KCNJ6: variants seen among roughly 807,000 people sequenced by gnomAD.
The protein encoded by KCNJ6 is potassium inwardly rectifying channel subfamily J member 6, also known as G protein-activated inward rectifier potassium channel 2.
A neutral mutation model predicts 34.2 loss-of-function variants in KCNJ6; 9 were observed. The ratio of observed to expected loss-of-function variants is 0.26; its 90% confidence interval spans 0.16 to 0.46. The LOEUF (loss-of-function observed/expected upper bound fraction) is 0.46, where lower values mean the gene tolerates loss of function less well. Among genes scored for constraint, KCNJ6 ranks in the 20% least tolerant of loss-of-function variants. The probability of loss-of-function intolerance (pLI) is 1.00; values close to 1 mark genes in which losing one functional copy is unlikely to be tolerated. For missense variants in KCNJ6, 236 were observed against 531.3 expected (o/e 0.44, Z 5.46); for synonymous variants, 196 against 207.1 (o/e 0.95, Z 0.46).
chr21:37,858,392 C>CA lies in KCNJ6; in HGVS notation c.-27-17684dup, dbSNP rs60814205. Among the ~76,000 whole-genome samples, 477 of 54,484 alleles carry CA rather than the reference C, an allele frequency of 8.8e-3. 36 individuals are homozygous for CA. The highest frequency in any genetic ancestry group is 0.017 in the African/African-American group (224 of 13,366). The allele number at this position is 54,484 out of a possible 152,430, so 35.7% of individuals were successfully genotyped here. On this transcript the variant is annotated intron_variant, in intron 1 of 3. Coordinates refer to ENST00000609713, the MANE Select transcript of KCNJ6 (RefSeq NM_002240.5). ...TGGGCGACAGAGCAAGACTCCGTCT[C>CA]AAAAAAAAAAAAAAAAAAAAAAAAA...
At chr21:37,759,862 A>T (rs1304285097) in intron 2 of KCNJ6, among the ~76,000 whole-genome samples, 1 of 152,178 alleles carries the variant, frequency 6.6e-6, no homozygotes, top group Admixed American at 6.5e-5. Flanking sequence ...ATGGCAGAAG[A>T]GGTGCTGTTA....
intron 2 of KCNJ6, among the ~76,000 whole-genome samples, chr21:37,765,093 C>A (rs1008151686): frequency 6.6e-5 from 10 of 152,224 alleles, no homozygotes; most frequent in African/African-American, 2.2e-4. Context: ...ATATTAAAAG[C>A]AAAGGAAATT....
intron 3 of KCNJ6, among the ~76,000 whole-genome samples, chr21:37,693,005 T>C (rs1328315905): frequency 1.3e-5 from 2 of 152,212 alleles, no homozygotes; most frequent in Non-Finnish European, 2.9e-5. Context: ...CTACAAAGTG[T>C]CACTAGTGAC....
intron 2 of KCNJ6, among the ~76,000 whole-genome samples, chr21:37,769,870 C>T (rs914035471): frequency 6.6e-6 from 1 of 152,172 alleles, no homozygotes. Context: ...CTTGCCCTTA[C>T]TCCTGCCATG....
At chr21:37,626,681 T>C (rs901079455) in intron 3 of KCNJ6, among the ~76,000 whole-genome samples, 3 of 152,144 alleles carry the variant, frequency 2.0e-5, no homozygotes, top group African/African-American at 7.2e-5. Flanking sequence ...ATACAAATTC[T>C]CAGGAAATGA....
chr21:37,872,746 A>G (rs1346414190), intron 1 of KCNJ6, among the ~76,000 whole-genome samples: 1 of 152,178 alleles, frequency 6.6e-6, no homozygotes, highest in Non-Finnish European at 1.5e-5. Context: ...CCCCACCCGA[A>G]TCTCATCTTG....
At chr21:37,670,258 A>C (rs2054535418) in intron 3 of KCNJ6, among the ~76,000 whole-genome samples, 1 of 152,186 alleles carries the variant, frequency 6.6e-6, no homozygotes, top group African/African-American at 2.4e-5. Flanking sequence ...TCACTGCTTT[A>C]ATTACTATAG....
At chr21:37,640,041 G>A (rs1478517963) in intron 3 of KCNJ6, among the ~76,000 whole-genome samples, 1 of 152,210 alleles carries the variant, frequency 6.6e-6, no homozygotes, top group Non-Finnish European at 1.5e-5. Context: ...GTGAAAGAAT[G>A]AACCAATACA....
chr21:37,886,471 CAAGCT>C (rs1216738025), intron 1 of KCNJ6, among the ~76,000 whole-genome samples: 2 of 152,182 alleles, frequency 1.3e-5, no homozygotes, highest in African/African-American at 4.8e-5. Flanking sequence ...TGGGTCTTTC[CAAGCT>C]CCTTAAAGAA....
chr21:37,750,169 C>A (rs2054988191), intron 2 of KCNJ6, among the ~76,000 whole-genome samples: 1 of 152,048 alleles, frequency 6.6e-6, no homozygotes, highest in South Asian at 2.1e-4. Flanking sequence ...CAAATCAAAA[C>A]CACAATGAGA....
intron 3 of KCNJ6, among the ~76,000 whole-genome samples, chr21:37,711,797 ACC>A (rs369492998): frequency 9.8e-5 from 14 of 142,720 alleles, no homozygotes; most frequent in African/African-American, 3.3e-4. Flanking sequence ...ACTTTCTAGA[ACC>A]CCCCCCCCAA....
At chr21:37,906,435 C>A (rs1217913323) in intron 1 of KCNJ6, among the ~76,000 whole-genome samples, 1 of 152,196 alleles carries the variant, frequency 6.6e-6, no homozygotes, top group Non-Finnish European at 1.5e-5. Context: ...TAAAGCAGAT[C>A]TGAGGAAAAC....
chr21:37,685,890 T>C (rs2054613082), intron 3 of KCNJ6, among the ~76,000 whole-genome samples: 1 of 151,952 alleles, frequency 6.6e-6, no homozygotes. Context: ...TGGTATATGT[T>C]AAATTAATAA....
At chr21:37,859,487 T>TTATATATATATATATATATATATATA (rs55859652) in intron 1 of KCNJ6, among the ~76,000 whole-genome samples, 3 of 84,296 alleles carry the variant, frequency 3.6e-5, no homozygotes, top group African/African-American at 6.0e-5. Context: ...TTATATTACT[T>TTATATATATATATATATATATATATA]TATATATATA....
At chr21:37,783,132 G>C (rs2055177415) in intron 2 of KCNJ6, among the ~76,000 whole-genome samples, 1 of 152,140 alleles carries the variant, frequency 6.6e-6, no homozygotes. Context: ...GCCATGACCA[G>C]GCCTTGAGCT....
At chr21:37,681,655 G>A (rs2054591177) in intron 3 of KCNJ6, among the ~76,000 whole-genome samples, 1 of 152,122 alleles carries the variant, frequency 6.6e-6, no homozygotes, top group South Asian at 2.1e-4. Context: ...TTTCTTTCAC[G>A]CTAAAAGGTA....
intron 2 of KCNJ6, among the ~76,000 whole-genome samples, chr21:37,780,750 A>AG (rs1306496634): frequency 4.6e-5 from 7 of 152,242 alleles, no homozygotes; most frequent in Admixed American, 6.5e-5. Context: ...TGTAACACAA[A>AG]GGATAAATGC....
intron 2 of KCNJ6, among the ~76,000 whole-genome samples, chr21:37,753,946 G>C (rs898044086): frequency 6.6e-5 from 10 of 152,194 alleles, no homozygotes; most frequent in African/African-American, 2.4e-4. Flanking sequence ...CTGGGCCCTT[G>C]AGCATGTGCT....
intron 1 of KCNJ6, among the ~76,000 whole-genome samples, chr21:37,886,782 C>T (rs1243524744): frequency 1.3e-5 from 2 of 152,186 alleles, no homozygotes; most frequent in African/African-American, 4.8e-5. Context: ...TCTAGAACCT[C>T]TGGCTTCCAC....
Sources: allele counts gnomAD v4.1 joint callset (sites outside exome capture counted in the v4.1 genomes callset), GRCh38; gene constraint gnomAD v4.1.1; transcripts MANE v1.5; gene names NCBI Gene and HGNC (gene_info 2026-07-23, HGNC 2026-07-21).